PTPRC: variants seen among roughly 807,000 people sequenced by gnomAD.
PTPRC encodes the protein receptor-type tyrosine-protein phosphatase C.
In PTPRC, 44 loss-of-function variants were observed where a neutral mutation model predicts 155.9. The ratio of observed to expected loss-of-function variants is 0.28; its 90% confidence interval spans 0.22 to 0.36. The LOEUF (loss-of-function observed/expected upper bound fraction) is 0.36. Among genes scored for constraint, PTPRC ranks in the 10% least tolerant of loss-of-function variants. The pLI, the probability that PTPRC is intolerant of heterozygous loss-of-function variation, is 1.00. For missense variants in PTPRC, 1,401 were observed against 1,564.6 expected, an observed-to-expected ratio of 0.90 and a Z score of 1.76; for synonymous variants, 525 against 533.1, an observed-to-expected ratio of 0.98 and a Z score of 0.21.
At position 198,729,184 on chromosome 1, in the gene PTPRC, A is replaced by AT. The variant is rs763565874; in HGVS notation, c.1864+18dup. On this transcript the variant is annotated intron_variant, in intron 17 of 32. Transcript: ENST00000442510. ...CTTGTTGAAAGGGGTAAGTATGTAT[A>AT]TTTTTGCTGATGACTATTCCTTCCC... 1.0e-5 allele frequency: 16 copies of AT among 1,603,206 alleles called. No individual in the cohort carries two copies. The African/African-American group carries it at 1.9e-4, about 19-fold the overall frequency.
At chr1:198,643,038 C>T (rs779367440) in intron 2 of PTPRC, among the ~76,000 whole-genome samples, 11 of 151,098 alleles carry the variant, frequency 7.3e-5, no homozygotes, top group Non-Finnish European at 1.6e-4. Context: ...ACACCCACCT[C>T]TATACTTTCT....
At position 198,732,308 on chromosome 1, in the gene PTPRC, G is replaced by A. The variant is rs748349607; in HGVS notation, c.1983G>A (p.Pro661=). The A allele has an allele frequency of 7.4e-6, 12 of 1,611,778 alleles. No homozygotes were observed. Among genetic ancestry groups the A allele is most frequent in the Admixed American group, 1.7e-5 (1 of 59,752 alleles). The change falls in exon 19 of 33, where the codon CCG becomes CCA. Residue 661 remains proline, a synonymous_variant. Coordinates refer to ENST00000442510, the MANE Select transcript of PTPRC (RefSeq NM_002838.5). ...RLFLAEFQSI[P]RVFSKFPIKE... is the part of the protein sequence containing the mutation. ...ATCGTTGTTTCTTTCAGAGCATCCC[G>A]CGGGTGTTCAGCAAGTTTCCTATAA...
Position 198,725,889 on chromosome 1 carries a change from T to C in PTPRC, c.1721-2451T>C, listed in dbSNP as rs536964477. 3.9e-5 allele frequency among the ~76,000 whole-genome samples: 6 copies of C among 152,320 alleles called. No homozygotes were observed. In the East Asian group the frequency reaches 1.2e-3, roughly 29 times the overall value. ...GGCCTCCTTTCTTTTGTTTTCTACC[T>C]TCTACAACTTGTTGAAATTGCTCTA... On this transcript the variant is annotated intron_variant, in intron 15 of 32. Transcript: ENST00000442510.
At position 198,756,287 on chromosome 1, in the gene PTPRC, C is replaced by A; in HGVS notation, c.*106C>A. 7.2e-7 allele frequency: 1 copy of A among 1,381,078 alleles called. No individual in the cohort carries two copies. Among genetic ancestry groups the A allele is most frequent in the Non-Finnish European group, 1.0e-6 (1 of 998,248 alleles). The allele number at this position is 1,381,078 out of a possible 1,614,324, so 85.6% of individuals were successfully genotyped here. ...TATACAGTGGATTAATTAAATGCAGCGAACCAATATTTGTAGAAGGGTTAT... is the reference window on the plus strand; with the variant it reads ...TATACAGTGGATTAATTAAATGCAGAGAACCAATATTTGTAGAAGGGTTAT... On this transcript the variant is annotated 3_prime_UTR_variant, in exon 33 of 33. Transcript: ENST00000442510.
intron 22 of PTPRC, 72 bp downstream of exon 22, chr1:198,734,497 AG>A (rs1435002242): frequency 8.0e-7 from 1 of 1,253,156 alleles, no homozygotes; most frequent in Non-Finnish European, 1.2e-6. Flanking sequence ...CATTTTGAAA[AG>A]CCACATGTAT....
At chr1:198,658,135 G>A (rs948354252) in intron 2 of PTPRC, among the ~76,000 whole-genome samples, 4 of 152,106 alleles carry the variant, frequency 2.6e-5, no homozygotes, top group African/African-American at 9.7e-5. Flanking sequence ...TCTGCTTTAA[G>A]CACCTTTCAG....
chr1:198,748,642 ATACTC>A (rs1238741714), intron 27 of PTPRC, among the ~76,000 whole-genome samples: 2 of 151,752 alleles, frequency 1.3e-5, no homozygotes, highest in Non-Finnish European at 3.0e-5. Flanking sequence ...TAAGGGGAAA[ATACTC>A]TATAAATTCT....
At position 198,666,240 on chromosome 1, in the gene PTPRC, C is replaced by CA. The variant is rs756815638; in HGVS notation, c.74-26087dup. Among the ~76,000 whole-genome samples the CA allele has an allele frequency of 8.6e-3, 877 of 101,676 alleles. 11 individuals carry two copies. The highest frequency in any genetic ancestry group is 0.05 in the East Asian group (134 of 2,686). The allele number at this position is 101,676 out of a possible 152,430, so 66.7% of individuals were successfully genotyped here. On this transcript the variant is annotated intron_variant, in intron 2 of 32. Coordinates refer to ENST00000442510, the MANE Select transcript of PTPRC (RefSeq NM_002838.5). ...TGGGCAACAGAGCAAGACCCTGTCT[C>CA]AAAAAAAAAAAAAAAAAAAAGAGAG...
chr1:198,648,379 G>T (rs189839193), intron 2 of PTPRC, among the ~76,000 whole-genome samples: 14 of 151,844 alleles, frequency 9.2e-5, no homozygotes, highest in African/African-American at 3.4e-4. Context: ...AGAGTTGTAG[G>T]GGGTGGGGTG....
intron 2 of PTPRC, chr1:198,680,006 T>G: frequency 1.6e-6 from 1 of 606,694 alleles, no homozygotes; most frequent in East Asian, 3.2e-5. Context: ...TCCTGCAGGC[T>G]CAAGGGCCTG....
chr1:198,702,660 A>G, intron 6 of PTPRC, 130 bp downstream of exon 6: 1 of 1,232,910 alleles, frequency 8.1e-7, no homozygotes, highest in Non-Finnish European at 1.2e-6. Flanking sequence ...ATGTTCACGT[A>G]TCAACACCAA....
chr1:198,726,521 AT>A (rs1654140807), intron 15 of PTPRC, among the ~76,000 whole-genome samples: 1 of 152,224 alleles, frequency 6.6e-6, no homozygotes, highest in Non-Finnish European at 1.5e-5. Flanking sequence ...GGATAATTTA[AT>A]CTATTTGCCC....
intron 2 of PTPRC, among the ~76,000 whole-genome samples, chr1:198,687,692 C>T (rs1021800303): frequency 1.3e-5 from 2 of 151,996 alleles, no homozygotes; most frequent in Middle Eastern, 3.4e-3. Context: ...TAGCGTGTTC[C>T]TACTTTAAGA....
intron 26 of PTPRC, among the ~76,000 whole-genome samples, chr1:198,747,576 G>C (rs1276783974): frequency 6.6e-6 from 1 of 151,830 alleles, no homozygotes; most frequent in African/African-American, 2.4e-5. Flanking sequence ...AGGCAGACTG[G>C]ATTAAGTAGG....
At chr1:198,642,017 A>C (rs1297956286) in intron 2 of PTPRC, among the ~76,000 whole-genome samples, 1 of 151,982 alleles carries the variant, frequency 6.6e-6, no homozygotes, top group Admixed American at 6.6e-5. Flanking sequence ...TGTGATTAGA[A>C]TTACTTATTA....
At chr1:198,751,198 C>T (rs755485646) in intron 29 of PTPRC, among the ~76,000 whole-genome samples, 13 of 151,976 alleles carry the variant, frequency 8.6e-5, no homozygotes, top group Non-Finnish European at 1.8e-4. Flanking sequence ...TCTATATCAT[C>T]CTTTCTTTAT....
chr1:198,649,723 AT>A (rs1414352113), intron 2 of PTPRC, among the ~76,000 whole-genome samples: 10 of 151,856 alleles, frequency 6.6e-5, no homozygotes, highest in Non-Finnish European at 1.5e-4. Flanking sequence ...CGATTCATCA[AT>A]TGTTTATAGA....
chr1:198,750,418 C>A, intron 28 of PTPRC, 74 bp from the exon 29 acceptor site: 1 of 1,481,922 alleles, frequency 6.7e-7, no homozygotes, highest in Non-Finnish European at 9.4e-7. Context: ...ACTATATTTC[C>A]AAATGGTTAC....
intron 20 of PTPRC, among the ~76,000 whole-genome samples, 185 bp from the exon 21 acceptor site, chr1:198,734,011 T>A (rs1654513161): frequency 6.6e-6 from 1 of 151,854 alleles, no homozygotes; most frequent in South Asian, 2.1e-4. Context: ...AATGCTAACA[T>A]GTTTAGCACA....
Sources: gnomAD v4.1 joint callset for allele counts (sites outside exome capture counted in the v4.1 genomes callset) on GRCh38, gnomAD v4.1.1 for gene constraint, MANE v1.5 for transcripts, NCBI Gene and HGNC (gene_info 2026-07-23, HGNC 2026-07-21) for gene names.